RIN2: variants seen among roughly 807,000 people sequenced by gnomAD.
The protein encoded by RIN2 is RAB5 interacting protein 2.
A neutral mutation model predicts 78.0 loss-of-function variants in RIN2; 36 were observed. That is an observed-to-expected ratio of 0.46 (90% CI 0.35 to 0.61). The LOEUF (loss-of-function observed/expected upper bound fraction) is 0.61, where lower values mean the gene tolerates loss of function less well. RIN2 is among the 20% of genes least tolerant of loss of function. The probability of loss-of-function intolerance (pLI) is 0.00; values close to 1 mark genes in which losing one functional copy is unlikely to be tolerated. For missense variants in RIN2, 1,087 were observed against 1,159.7 expected (o/e 0.94, Z 0.91); for synonymous variants, 466 against 466.8 (o/e 1.00, Z 0.02).
chr20:19,863,767 C>T (rs1376682275), intron 2 of RIN2, among the ~76,000 whole-genome samples: 1 of 152,174 alleles, frequency 6.6e-6, no homozygotes, highest in African/African-American at 2.4e-5. Context: ...TCATTCCTTG[C>T]ATCTAGGAAG....
At chr20:19,904,262 A>AATATATATATATATATATATAT (rs2039123210) in intron 3 of RIN2, among the ~76,000 whole-genome samples, 1 of 147,268 alleles carries the variant, frequency 6.8e-6, no homozygotes, top group African/African-American at 2.5e-5. Flanking sequence ...TATATATATA[A>AATATATATATATATATATATAT]AATATATATA....
intron 9 of RIN2, among the ~76,000 whole-genome samples, chr20:19,976,301 A>T (rs2042276960): frequency 6.6e-6 from 1 of 152,152 alleles, no homozygotes; most frequent in African/African-American, 2.4e-5. Context: ...CAACCCCTGG[A>T]TAAGCAGAAC....
Position 19,917,780 on chromosome 20 carries a change from C to T in RIN2, c.58-17319C>T, listed in dbSNP as rs906876468. On this transcript the variant is annotated intron_variant, in intron 3 of 12. Transcript: ENST00000255006. ...AAGAAATATGTTTTAAAGGCGGAAT[C>T]GCCTTTTAAAGGCGGAATAGCATTC... Among the ~76,000 whole-genome samples the T allele has an allele frequency of 3.3e-5, 5 of 152,136 alleles. No homozygotes were observed. In the East Asian group the frequency reaches 7.7e-4, roughly 23 times the overall value.
At chr20:19,798,219 T>A (rs906543329) in intron 1 of RIN2, among the ~76,000 whole-genome samples, 3 of 152,170 alleles carry the variant, frequency 2.0e-5, no homozygotes, top group African/African-American at 7.2e-5. Flanking sequence ...CCTATTTTTT[T>A]ATATAAGAAC....
intron 2 of RIN2, among the ~76,000 whole-genome samples, chr20:19,816,638 C>T (rs893843072): frequency 5.9e-5 from 9 of 152,110 alleles, no homozygotes; most frequent in African/African-American, 2.2e-4. Context: ...ACAGTGCACC[C>T]GGGTAGAAGT....
At chr20:19,896,389 C>T (rs1468304822) in intron 3 of RIN2, among the ~76,000 whole-genome samples, 7 of 152,180 alleles carry the variant, frequency 4.6e-5, no homozygotes, top group Non-Finnish European at 8.8e-5. Flanking sequence ...GGGGTTTCTC[C>T]ACGTTGGCCA....
intron 2 of RIN2, among the ~76,000 whole-genome samples, chr20:19,829,379 A>G (rs2036186979): frequency 6.6e-6 from 1 of 152,188 alleles, no homozygotes; most frequent in Non-Finnish European, 1.5e-5. Context: ...GATTGAATCC[A>G]GTATATGAAG....
At position 19,990,160 on chromosome 20, in the gene RIN2, G is replaced by A. The variant is rs368610064; in HGVS notation, c.1917G>A (p.Leu639=). The change falls in exon 10 of 13, where the codon CTG becomes CTA. Residue 639 remains leucine (L), a synonymous_variant. Transcript: ENST00000255006. Reference sequence around the variant, plus strand: ...TGCGGCAGAGGAATCCGCAGGAGCTGGGGGTCTTCGCCCCGACCCCTGATT... The same window carrying A: ...TGCGGCAGAGGAATCCGCAGGAGCTAGGGGTCTTCGCCCCGACCCCTGATT... ...QLVRQRNPQE[L]GVFAPTPDFV... is the part of the protein sequence containing the mutation. 3.6e-3 allele frequency: 5,771 copies of A among 1,603,994 alleles called. 12 individuals carry two copies. Among genetic ancestry groups the A allele is most frequent in the Non-Finnish European group, 4.4e-3 (5,227 of 1,175,392 alleles).
rs374521487 is a variant in RIN2 at position 19,982,587 on chromosome 20, G to T, written c.1762+6800G>T. Among the ~76,000 whole-genome samples, 5 of 152,144 alleles carry T rather than the reference G, an allele frequency of 3.3e-5. No individual in the cohort carries two copies. The East Asian group carries it at 5.8e-4, about 18-fold the overall frequency. The stretch of plus-strand genomic sequence containing the variant: ...TTGAAGCCCTGACTCTGCTGTTCCC[G>T]ACTTGTGGGTGCTTGGTCATATTTC... On this transcript the variant is annotated intron_variant, in intron 9 of 12. Coordinates refer to ENST00000255006, the MANE Select transcript of RIN2 (RefSeq NM_018993.4).
chr20:19,844,098 C>A (rs1339666205), intron 2 of RIN2, among the ~76,000 whole-genome samples: 3 of 151,948 alleles, frequency 2.0e-5, no homozygotes, highest in Admixed American at 6.6e-5. Context: ...ATTCCAATGC[C>A]AAAATAAGGG....
chr20:19,771,803 T>C (rs1026408539), intron 1 of RIN2, among the ~76,000 whole-genome samples: 1 of 152,170 alleles, frequency 6.6e-6, no homozygotes, highest in South Asian at 2.1e-4. Context: ...AACCCACTAA[T>C]GGGCTTTGAA....
intron 2 of RIN2, among the ~76,000 whole-genome samples, chr20:19,881,102 T>C (rs1211977750): frequency 6.6e-6 from 1 of 152,196 alleles, no homozygotes; most frequent in Non-Finnish European, 1.5e-5. Flanking sequence ...AAGAATCAAA[T>C]AAAAGCCACC....
intron 4 of RIN2, among the ~76,000 whole-genome samples, chr20:19,952,905 C>T (rs1292685558): frequency 1.3e-5 from 2 of 152,198 alleles, no homozygotes; most frequent in African/African-American, 4.8e-5. Flanking sequence ...ATGTTTTACA[C>T]TTGGATCTCA....
At chr20:19,984,823 C>A (rs993950703) in intron 9 of RIN2, among the ~76,000 whole-genome samples, 1 of 152,160 alleles carries the variant, frequency 6.6e-6, no homozygotes, top group African/African-American at 2.4e-5. Context: ...TCATCTTTGA[C>A]CAAAACACGC....
At chr20:19,826,696 G>A (rs898234649) in intron 2 of RIN2, among the ~76,000 whole-genome samples, 3 of 152,102 alleles carry the variant, frequency 2.0e-5, no homozygotes, top group Non-Finnish European at 4.4e-5. Context: ...CCTTATCCTG[G>A]TTTAACTTCT....
intron 2 of RIN2, among the ~76,000 whole-genome samples, chr20:19,820,182 C>T (rs1193595621): frequency 6.6e-6 from 1 of 152,140 alleles, no homozygotes; most frequent in Non-Finnish European, 1.5e-5. Context: ...TTGATTTTAA[C>T]CTTGTTTTGT....
At chr20:19,829,797 G>C (rs1330660474) in intron 2 of RIN2, among the ~76,000 whole-genome samples, 1 of 152,168 alleles carries the variant, frequency 6.6e-6, no homozygotes, top group Non-Finnish European at 1.5e-5. Flanking sequence ...CTGCTGAATT[G>C]GGAGACCCCC....
chr20:19,974,894 G>A lies in RIN2; in HGVS notation c.869G>A (p.Arg290Gln), dbSNP rs766615196. 3 of 1,613,828 alleles carry A rather than the reference G, an allele frequency of 1.9e-6. No homozygotes were observed. Among genetic ancestry groups the A allele is most frequent in the African/African-American group, 1.3e-5 (1 of 74,912 alleles). ...CAGGACCTCAGTGGAGGCCTGAAAC[G>A]GCCGAGCACAAGGACTCCCAACGCG... Reference protein sequence around the residue: ...HSQDLSGGLKRPSTRTPNANG... With the variant: ...HSQDLSGGLKQPSTRTPNANG... The change falls in exon 9 of 13, where the codon CGG becomes CAG. Residue 290 changes from arginine to glutamine, a missense_variant. Arg to Gln is a conservative substitution (Grantham distance 43). Around this residue, in one of 8 missense-constraint regions of RIN2, gnomAD observed 706 missense variants for 667.5 expected, o/e 1.06. Transcript: ENST00000255006.
At chr20:19,917,587 T>A (rs184778318) in intron 3 of RIN2, among the ~76,000 whole-genome samples, 17 of 152,372 alleles carry the variant, frequency 1.1e-4, no homozygotes, top group Non-Finnish European at 2.2e-4. Flanking sequence ...TTTTGTTCTG[T>A]CTGTGATTCG....
Sources: allele counts gnomAD v4.1 joint callset (sites outside exome capture counted in the v4.1 genomes callset), GRCh38; gene constraint gnomAD v4.1.1; regional missense constraint gnomAD v4.1.1; transcripts MANE v1.5; gene names NCBI Gene and HGNC (gene_info 2026-07-23, HGNC 2026-07-21).